The following BMPR1B variants were observed in gnomAD, a reference collection of about 807,000 sequenced individuals.
BMPR1B encodes the protein bone morphogenetic protein receptor type 1B.
BMPR1B carries 12 observed loss-of-function variants against 59.1 expected under a neutral mutation model. That is an observed-to-expected ratio of 0.20 (90% CI 0.13 to 0.33). The LOEUF (loss-of-function observed/expected upper bound fraction) is 0.33, where lower values mean the gene tolerates loss of function less well. Among genes scored for constraint, BMPR1B ranks in the 10% least tolerant of loss-of-function variants. The pLI is 1.00. For missense variants in BMPR1B, 550 were observed against 610.9 expected (o/e 0.90, Z 1.05); for synonymous variants, 237 against 207.3 (o/e 1.14, Z -1.23).
At chr4:95,001,874 G>A (rs895276489) in intron 3 of BMPR1B, among the ~76,000 whole-genome samples, 7 of 152,178 alleles carry the variant, frequency 4.6e-5, no homozygotes, top group African/African-American at 1.4e-4. Flanking sequence ...CACTCCCAAA[G>A]AAGTTGGGGC....
At chr4:95,142,212 A>G (rs1000781520) in intron 10 of BMPR1B, among the ~76,000 whole-genome samples, 5 of 152,212 alleles carry the variant, frequency 3.3e-5, no homozygotes, top group South Asian at 2.1e-4. Context: ...GCAGAGTTCA[A>G]TTCTGCAAGT....
At chr4:94,949,718 C>T (rs568727364) in intron 2 of BMPR1B, among the ~76,000 whole-genome samples, 1 of 152,216 alleles carries the variant, frequency 6.6e-6, no homozygotes, top group East Asian at 1.9e-4. Context: ...GGTTCCAAGT[C>T]TTTGCTATTG....
rs1393829047 is a variant in BMPR1B, at chr4:95,155,375, G to T, written c.*702G>T. Reference sequence around the variant, plus strand: ...AATGAAGGTTTATGTGACTCTAATAGAAGTAATTGTTGATAGGTGTTCTTC... The same window carrying T: ...AATGAAGGTTTATGTGACTCTAATATAAGTAATTGTTGATAGGTGTTCTTC... On this transcript the variant is annotated 3_prime_UTR_variant, in exon 13 of 13. Transcript: ENST00000515059. 1 of 149,478 alleles carries T rather than the reference G, an allele frequency of 6.7e-6. No homozygotes were observed. The highest frequency in any genetic ancestry group is 1.5e-5 in the Non-Finnish European group (1 of 67,702). 9.3% of individuals were successfully genotyped at this position (149,478 alleles called of 1,614,324 possible). A position where few individuals can be genotyped will look rare whatever the true frequency, so the allele number is the denominator to read the frequency against.
At chr4:94,853,870 A>G (rs1297788037) in intron 1 of BMPR1B, among the ~76,000 whole-genome samples, 3 of 152,166 alleles carry the variant, frequency 2.0e-5, no homozygotes, top group Non-Finnish European at 4.4e-5. Context: ...TTTTCAGTCC[A>G]GTTTGATTTT....
intron 3 of BMPR1B, among the ~76,000 whole-genome samples, chr4:95,099,255 C>T (rs2149259614): frequency 6.6e-6 from 1 of 152,186 alleles, no homozygotes; most frequent in South Asian, 2.1e-4. Flanking sequence ...TTTTGGTGTC[C>T]CATTCCTTCA....
intron 3 of BMPR1B, among the ~76,000 whole-genome samples, chr4:95,009,265 G>A (rs144026321): frequency 6.6e-6 from 1 of 152,078 alleles, no homozygotes; most frequent in South Asian, 2.1e-4. Context: ...CTACCCCTAG[G>A]TATATATCCT....
At chr4:95,042,862 A>C (rs950596995) in intron 3 of BMPR1B, among the ~76,000 whole-genome samples, 2 of 151,986 alleles carry the variant, frequency 1.3e-5, no homozygotes, top group South Asian at 2.1e-4. Context: ...GTGATGGTTT[A>C]CTCTGTAATG....
intron 3 of BMPR1B, among the ~76,000 whole-genome samples, chr4:95,056,395 T>A (rs1314607444): frequency 1.3e-5 from 2 of 152,184 alleles, no homozygotes; most frequent in Non-Finnish European, 2.9e-5. Flanking sequence ...TCTGTTACAT[T>A]CTTTTGATGA....
intron 2 of BMPR1B, among the ~76,000 whole-genome samples, chr4:94,958,627 G>A (rs939123884): frequency 6.6e-6 from 1 of 152,114 alleles, no homozygotes; most frequent in African/African-American, 2.4e-5. Context: ...CCTCTTTAAA[G>A]GCTTTGTCTA....
chr4:94,918,040 TA>T (rs1196134746), intron 2 of BMPR1B, among the ~76,000 whole-genome samples: 13 of 152,074 alleles, frequency 8.5e-5, no homozygotes, highest in African/African-American at 3.1e-4. Flanking sequence ...CTGCCATGAG[TA>T]AAAGTTCCCT....
intron 2 of BMPR1B, among the ~76,000 whole-genome samples, chr4:94,909,291 G>T (rs1578790806): frequency 6.6e-6 from 1 of 152,028 alleles, no homozygotes; most frequent in Non-Finnish European, 1.5e-5. Context: ...ACTTTTGGGG[G>T]ATACTAACTT....
intron 2 of BMPR1B, among the ~76,000 whole-genome samples, chr4:94,882,033 CAAG>C (rs1230993081): frequency 8.5e-5 from 13 of 152,076 alleles, no homozygotes; most frequent in Non-Finnish European, 1.9e-4. Flanking sequence ...ATTTCAAACT[CAAG>C]AATGTGTGAA....
chr4:95,086,959 G>T (rs1450857103), intron 3 of BMPR1B, among the ~76,000 whole-genome samples: 4 of 151,014 alleles, frequency 2.6e-5, no homozygotes, highest in African/African-American at 9.7e-5. Context: ...ACCTATATGT[G>T]GTCCTTGGAG....
chr4:95,120,701 T>C (rs544419104), intron 6 of BMPR1B, among the ~76,000 whole-genome samples: 5 of 146,132 alleles, frequency 3.4e-5, no homozygotes, highest in South Asian at 2.2e-4. Context: ...CTTTCTCTCT[T>C]TCTCTCTCTC....
At chr4:94,789,969 TTGA>T in intron 1 of BMPR1B, among the ~76,000 whole-genome samples, 1 of 152,156 alleles carries the variant, frequency 6.6e-6, no homozygotes, top group Non-Finnish European at 1.5e-5. Context: ...GATGAAGACC[TTGA>T]TGATGATCCA....
intron 4 of BMPR1B, among the ~76,000 whole-genome samples, chr4:95,112,253 C>G (rs532986677): frequency 3.9e-4 from 59 of 152,118 alleles, no homozygotes; most frequent in African/African-American, 1.2e-3. Flanking sequence ...CTTTTTATCA[C>G]TTCCAACACT....
At position 94,882,850 on chromosome 4, in the gene BMPR1B, T is replaced by C. The variant is rs1727028079; in HGVS notation, c.-113+6950T>C. 3.3e-5 allele frequency among the ~76,000 whole-genome samples: 5 copies of C among 152,232 alleles called. No individual in the cohort carries two copies. The South Asian group carries it at 1.0e-3, about 31-fold the overall frequency. On this transcript the variant is annotated intron_variant, in intron 2 of 12. Transcript: ENST00000515059. ...TCATGGTTTACAACATTATCATTGC[T>C]CTGATTTGGTTGGCAGTGCAAACTG...
chr4:94,971,197 C>CT (rs1730781928), intron 2 of BMPR1B, among the ~76,000 whole-genome samples: 1 of 152,226 alleles, frequency 6.6e-6, no homozygotes, highest in African/African-American at 2.4e-5. Flanking sequence ...ATAAAAACAA[C>CT]TTTTTTCCCT....
At chr4:94,839,939 C>CTT (rs1724985973) in intron 1 of BMPR1B, among the ~76,000 whole-genome samples, 1 of 151,640 alleles carries the variant, frequency 6.6e-6, no homozygotes, top group African/African-American at 2.4e-5. Flanking sequence ...TTCAGGAGCT[C>CTT]TTTTAGGGCA....
Sources: allele counts gnomAD v4.1 joint callset (sites outside exome capture counted in the v4.1 genomes callset), GRCh38; gene constraint gnomAD v4.1.1; transcripts MANE v1.5; gene names NCBI Gene and HGNC (gene_info 2026-07-23, HGNC 2026-07-21).